Variants in TENM3 observed in about 807,000 individuals in gnomAD.
TENM3 encodes the protein teneurin-3.
In TENM3, 63 loss-of-function variants were observed where a neutral mutation model predicts 255.1. That is an observed-to-expected ratio of 0.25 (90% CI 0.20 to 0.30). The LOEUF is 0.30. Among genes scored for constraint, TENM3 ranks in the 10% least tolerant of loss-of-function variants. The pLI, the probability that TENM3 is intolerant of heterozygous loss-of-function variation, is 1.00. For missense variants in TENM3, 2,929 were observed against 3,461.1 expected, an observed-to-expected ratio of 0.85 and a Z score of 3.86; for synonymous variants, 1,306 against 1,322.3, an observed-to-expected ratio of 0.99 and a Z score of 0.27.
chr4:182,432,980 C>G (rs1405828407), intron 3 of TENM3, among the ~76,000 whole-genome samples: 1 of 151,550 alleles, frequency 6.6e-6, no homozygotes, highest in South Asian at 2.1e-4. Flanking sequence ...AGCCACTGTG[C>G]CTGGCCAGGA....
chr4:181,946,835 G>C, the TENM3 span, among the ~76,000 whole-genome samples: 1 of 152,106 alleles, frequency 6.6e-6, no homozygotes, highest in Non-Finnish European at 1.5e-5. Flanking sequence ...TAATCAAGTC[G>C]GGAGAAAATC....
At chr4:181,835,274 G>T in the TENM3 span, among the ~76,000 whole-genome samples, 83,372 of 152,036 alleles carry the variant, frequency 0.55, 24,463 homozygotes, top group East Asian at 0.74. Context: ...TCTAACCATG[G>T]TCAACCTATG....
the TENM3 span, among the ~76,000 whole-genome samples, chr4:182,034,305 C>T: frequency 6.6e-6 from 1 of 152,136 alleles, no homozygotes; most frequent in Non-Finnish European, 1.5e-5. Context: ...GGTCTCTTGA[C>T]TACAGCACAC....
chr4:182,294,406 C>G (rs770158960), intron 1 of TENM3, among the ~76,000 whole-genome samples: 5 of 151,678 alleles, frequency 3.3e-5, no homozygotes, highest in Non-Finnish European at 5.9e-5. Flanking sequence ...TTTTTTTCAC[C>G]CTAAGTGTAA....
At chr4:181,954,728 T>A in the TENM3 span, among the ~76,000 whole-genome samples, 1 of 152,220 alleles carries the variant, frequency 6.6e-6, no homozygotes, top group Admixed American at 6.5e-5. Context: ...TTGATAAAGT[T>A]TTTTGTTTCT....
chr4:182,531,213 C>T (rs1284477859), intron 3 of TENM3, among the ~76,000 whole-genome samples: 1 of 151,944 alleles, frequency 6.6e-6, no homozygotes, highest in African/African-American at 2.4e-5. Flanking sequence ...CCGAGACATT[C>T]AATAAGAAAT....
the TENM3 span, among the ~76,000 whole-genome samples, chr4:181,601,633 C>G: frequency 6.6e-6 from 1 of 152,102 alleles, no homozygotes. Context: ...TATTTCTGCT[C>G]AGCAATTCAA....
chr4:181,796,676 G>A, the TENM3 span, among the ~76,000 whole-genome samples: 2 of 152,176 alleles, frequency 1.3e-5, no homozygotes, highest in African/African-American at 4.8e-5. Flanking sequence ...GGGGGTGAGA[G>A]AGATGATCAC....
chr4:182,793,834 A>G lies in TENM3; in HGVS notation c.7162A>G (p.Arg2388Gly). Reference protein sequence around the residue: ...DPAPFNLYMFRNNNPASKIHD... With the variant: ...DPAPFNLYMFGNNNPASKIHD... ...AGCTCCTTTTAACTTGTACATGTTT[A>G]GGAATAACAACCCTGCAAGCAAAAT... The change falls in exon 26 of 28, where the codon AGG becomes GGG. Residue 2388 changes from arginine to glycine, a missense_variant. By Grantham distance (125) the Arg-to-Gly change is moderately radical (BLOSUM62 -2). Transcript: ENST00000511685. The surrounding 1 kb of genome is among the most constrained non-coding windows in gnomAD (Gnocchi z 5.7). 6.2e-7 allele frequency: 1 copy of G among 1,613,490 alleles called. No homozygotes were observed.
At chr4:181,747,936 C>T in the TENM3 span, among the ~76,000 whole-genome samples, 1 of 151,706 alleles carries the variant, frequency 6.6e-6, no homozygotes, top group South Asian at 2.1e-4. Context: ...TTTCTATTTG[C>T]ATTTGGGTTT....
At chr4:182,362,848 C>T (rs1319328203) in intron 3 of TENM3, among the ~76,000 whole-genome samples, 1 of 152,188 alleles carries the variant, frequency 6.6e-6, no homozygotes, top group Non-Finnish European at 1.5e-5. Context: ...CGGAGCTGTT[C>T]CTATTCGGCC....
chr4:182,005,006 C>G, the TENM3 span, among the ~76,000 whole-genome samples: 1 of 152,120 alleles, frequency 6.6e-6, no homozygotes, highest in African/African-American at 2.4e-5. Context: ...AATTTTCTCC[C>G]ATTCTGTAGG....
chr4:182,180,130 GTT>G (rs66892895), intron 1 of TENM3, among the ~76,000 whole-genome samples: 2 of 148,246 alleles, frequency 1.3e-5, no homozygotes, highest in Non-Finnish European at 1.5e-5. Flanking sequence ...AAATCGAAGA[GTT>G]TTTTTTTTTT....
the TENM3 span, among the ~76,000 whole-genome samples, chr4:181,966,220 G>C: frequency 6.6e-6 from 1 of 152,176 alleles, no homozygotes; most frequent in African/African-American, 2.4e-5. Context: ...GTTGTGGAGA[G>C]TGAGTTACAC....
chr4:182,380,075 C>T (rs1025720758), intron 3 of TENM3, among the ~76,000 whole-genome samples: 4 of 152,026 alleles, frequency 2.6e-5, no homozygotes, highest in African/African-American at 4.8e-5. Flanking sequence ...TCGAGACCAG[C>T]CTGGACAACA....
intron 4 of TENM3, among the ~76,000 whole-genome samples, chr4:182,604,301 T>C (rs1748201727): frequency 6.6e-6 from 1 of 152,228 alleles, no homozygotes; most frequent in South Asian, 2.1e-4. Flanking sequence ...CCTTTGCAGT[T>C]CATAAGCATC....
chr4:181,647,266 G>A, the TENM3 span, among the ~76,000 whole-genome samples: 1 of 152,150 alleles, frequency 6.6e-6, no homozygotes, highest in Non-Finnish European at 1.5e-5. Flanking sequence ...GAACATACAC[G>A]TTGATTTTGT....
intron 7 of TENM3, among the ~76,000 whole-genome samples, chr4:182,679,413 A>C (rs1755933242): frequency 1.3e-5 from 2 of 152,132 alleles, no homozygotes; most frequent in South Asian, 4.1e-4. Context: ...GAATTAAATA[A>C]ATTTGGAAAC....
intron 3 of TENM3, among the ~76,000 whole-genome samples, chr4:182,432,681 G>A (rs954384951): frequency 2.6e-5 from 4 of 152,190 alleles, no homozygotes; most frequent in African/African-American, 4.8e-5. Flanking sequence ...AGACACAGAG[G>A]AGAAATGTCC....
Sources: gnomAD v4.1 joint callset for allele counts (sites outside exome capture counted in the v4.1 genomes callset) on GRCh38, gnomAD v4.1.1 for gene constraint, Gnocchi (gnomAD v3.1) non-coding constraint, MANE v1.5 for transcripts, NCBI Gene and HGNC (gene_info 2026-07-23, HGNC 2026-07-21) for gene names.